Variants in DNAH6 observed in about 807,000 individuals in gnomAD.
DNAH6 encodes dynein axonemal heavy chain 6.
In DNAH6, 340 loss-of-function variants were observed where a neutral mutation model predicts 491.4. That is an observed-to-expected ratio of 0.69 (90% CI 0.63 to 0.76). The LOEUF (loss-of-function observed/expected upper bound fraction) is 0.76, where lower values mean the gene tolerates loss of function less well. Among genes scored for constraint, DNAH6 ranks in the 30% least tolerant of loss-of-function variants. The pLI is 0.00. For synonymous variants in DNAH6, 1,603 were observed against 1,686.1 expected (o/e 0.95, Z 1.21); for missense variants, 4,443 against 4,972.2 (o/e 0.89, Z 3.20).
intron 41 of DNAH6, among the ~76,000 whole-genome samples, chr2:84,679,700 G>A (rs1383594916): frequency 2.0e-5 from 3 of 152,168 alleles, no homozygotes; most frequent in Admixed American, 6.5e-5. Context: ...ATTCTATAAT[G>A]ATACGCTAAT....
intron 28 of DNAH6, 81 bp from the exon 29 acceptor site, chr2:84,624,821 C>G: frequency 2.2e-6 from 3 of 1,370,864 alleles, no homozygotes; most frequent in Non-Finnish European, 2.0e-6. Flanking sequence ...AAATAATAAT[C>G]CTTCCCCCAT....
chr2:84,730,541 G>A (rs1236721872), intron 61 of DNAH6, among the ~76,000 whole-genome samples: 1 of 151,772 alleles, frequency 6.6e-6, no homozygotes, highest in Non-Finnish European at 1.5e-5. Flanking sequence ...ACTAATGACA[G>A]CTGATGAGCT....
At chr2:84,509,677 C>G in the DNAH6 span, among the ~76,000 whole-genome samples, 1 of 152,188 alleles carries the variant, frequency 6.6e-6, no homozygotes, top group African/African-American at 2.4e-5. Flanking sequence ...CCTCGATGGT[C>G]TTTACAATTT....
chr2:84,510,305 C>T, the DNAH6 span, among the ~76,000 whole-genome samples: 1 of 152,226 alleles, frequency 6.6e-6, no homozygotes, highest in African/African-American at 2.4e-5. Context: ...AACTTCTCTT[C>T]TCGCTTCATT....
chr2:84,463,088 G>A, the DNAH6 span, among the ~76,000 whole-genome samples: 3 of 152,130 alleles, frequency 2.0e-5, no homozygotes, highest in Admixed American at 1.3e-4. Flanking sequence ...AGGAGTTTCT[G>A]AAAAATCCAT....
At chr2:84,741,253 C>T (rs551289087) in intron 62 of DNAH6, among the ~76,000 whole-genome samples, 1 of 152,266 alleles carries the variant, frequency 6.6e-6, no homozygotes, top group East Asian at 1.9e-4. Flanking sequence ...CAGCTCAGCA[C>T]TACATTCTCA....
rs564344548 is a variant in DNAH6 at position 84,776,769 on chromosome 2, A to G, written c.10704-4724A>G. 2.6e-5 allele frequency among the ~76,000 whole-genome samples: 4 copies of G among 152,382 alleles called. No individual in the cohort carries two copies. In the East Asian group the frequency reaches 5.8e-4, roughly 22 times the overall value. ...GTATATACCCAAAGGATTATAAATC[A>G]TGCTGCTATAAAGGCACATGCACAC... On this transcript the variant is annotated intron_variant, in intron 64 of 76. Transcript: ENST00000389394.
intron 66 of DNAH6, 116 bp from the exon 67 acceptor site, chr2:84,785,494 C>T (rs1207326365): frequency 1.9e-5 from 20 of 1,061,574 alleles, no homozygotes; most frequent in Non-Finnish European, 2.6e-5. Flanking sequence ...CCCCACCTCC[C>T]CATGAACATC....
At position 84,723,033 on chromosome 2, in the gene DNAH6, C is replaced by A. The variant is rs1291350966; in HGVS notation, c.9972+229C>A. On this transcript the variant is annotated intron_variant, in intron 60 of 76. Transcript: ENST00000389394. Reference sequence around the variant, plus strand: ...ACCTGAGGTCAGGAGTTCAAGACCACCCTGGCCAACATGGAGAAACCCCAT... The same window carrying A: ...ACCTGAGGTCAGGAGTTCAAGACCAACCTGGCCAACATGGAGAAACCCCAT... Among the ~76,000 whole-genome samples, 6 of 151,926 alleles carry A rather than the reference C, an allele frequency of 3.9e-5. No individual in the cohort carries two copies. The East Asian group carries it at 1.2e-3, about 29-fold the overall frequency.
At position 84,762,869 on chromosome 2, in the gene DNAH6, G is replaced by A. The variant is rs1025900832; in HGVS notation, c.10627G>A (p.Val3543Ile). The A allele has an allele frequency of 7.1e-6, 11 of 1,551,326 alleles. No homozygotes were observed. The highest frequency in any genetic ancestry group is 8.7e-6 in the Non-Finnish European group (10 of 1,146,798). Residue 3543 changes from valine to isoleucine, a missense_variant, in exon 64 of 77, where the codon GTA becomes ATA. Val to Ile is a conservative substitution (Grantham distance 29, BLOSUM62 3). This residue lies in a region of DNAH6 where 1,463 missense variants were observed against 1,656.6 expected (regional missense o/e 0.88). Coordinates refer to ENST00000389394, the MANE Select transcript of DNAH6 (RefSeq NM_001370.2). ...AGACATGTCATGCAACACTCCCCTG[G>A]TATTCATCCTAAGCACAGGCTCAGA... ...YQDMSCNTPL[V>I]FILSTGSDPM...
At chr2:84,515,605 C>T (rs142534064), upstream of DNAH6, among the ~76,000 whole-genome samples, 276 of 152,074 alleles carry the variant, frequency 1.8e-3, no homozygotes, top group African/African-American at 6.4e-3. Context: ...AAAGAGCAAC[C>T]GAAAAGAGCA....
intron 21 of DNAH6, among the ~76,000 whole-genome samples, chr2:84,608,006 TA>T (rs1685944160): frequency 6.6e-6 from 1 of 152,214 alleles, no homozygotes; most frequent in Non-Finnish European, 1.5e-5. Context: ...TGTAATATCC[TA>T]AATCCTTTGT....
At chr2:84,570,738 A>G (rs1681724207) in intron 11 of DNAH6, among the ~76,000 whole-genome samples, 1 of 152,192 alleles carries the variant, frequency 6.6e-6, no homozygotes. Flanking sequence ...ATAAGGGAAT[A>G]AAAGCTGGCC....
At chr2:84,524,960 G>A (rs1008246767) in intron 2 of DNAH6, among the ~76,000 whole-genome samples, 7 of 152,108 alleles carry the variant, frequency 4.6e-5, no homozygotes, top group Non-Finnish European at 8.8e-5. Flanking sequence ...GTTAACTGCT[G>A]TTTCCTTTAC....
chr2:84,668,848 GTGTGTGTGT>G (rs776693134), intron 37 of DNAH6, among the ~76,000 whole-genome samples: 1 of 111,374 alleles, frequency 9.0e-6, no homozygotes, highest in Admixed American at 9.8e-5. Context: ...GTGTGTGTGT[GTGTGTGTGT>G]ATGATTGTAA....
intron 63 of DNAH6, among the ~76,000 whole-genome samples, chr2:84,761,214 A>G (rs1674545545): frequency 1.3e-5 from 2 of 152,198 alleles, no homozygotes; most frequent in African/African-American, 2.4e-5. Context: ...TGAAACAAGT[A>G]AGACACAGAA....
At chr2:84,503,622 T>C in the DNAH6 span, among the ~76,000 whole-genome samples, 1 of 152,100 alleles carries the variant, frequency 6.6e-6, no homozygotes, top group Non-Finnish European at 1.5e-5. Flanking sequence ...TAGGAAAGGC[T>C]TTATTTCTCT....
intron 64 of DNAH6, among the ~76,000 whole-genome samples, chr2:84,767,543 TATAG>T (rs1231104149): frequency 6.6e-6 from 1 of 151,916 alleles, no homozygotes; most frequent in Non-Finnish European, 1.5e-5. Flanking sequence ...AATGTATATA[TATAG>T]ATACACATAT....
chr2:84,734,737 C>T (rs1699400474), intron 62 of DNAH6, among the ~76,000 whole-genome samples: 1 of 151,974 alleles, frequency 6.6e-6, no homozygotes, highest in African/African-American at 2.4e-5. Context: ...TGGCAATTTC[C>T]CTTTGTAATT....
Sources: allele counts gnomAD v4.1 joint callset (sites outside exome capture counted in the v4.1 genomes callset), GRCh38; gene constraint gnomAD v4.1.1; regional missense constraint gnomAD v4.1.1; transcripts MANE v1.5; gene names NCBI Gene and HGNC (gene_info 2026-07-23, HGNC 2026-07-21).